KIF27: variants seen among roughly 807,000 people sequenced by gnomAD.
KIF27 encodes kinesin family member 27.
Under a neutral mutation model 141.8 loss-of-function variants are expected in KIF27, and 84 were observed. The observed-to-expected ratio is 0.59, with a 90% CI of 0.50 to 0.71. The LOEUF is 0.71. Among genes scored for constraint, KIF27 ranks in the 30% least tolerant of loss-of-function variants. The pLI is 0.00. For missense variants in KIF27, 1,306 were observed against 1,628.4 expected, an observed-to-expected ratio of 0.80 and a Z score of 3.41; for synonymous variants, 471 against 569.5, an observed-to-expected ratio of 0.83 and a Z score of 2.46.
chr9:83,915,164 A>G, intron 2 of KIF27, 130 bp downstream of exon 2: 1 of 691,012 alleles, frequency 1.4e-6, no homozygotes, highest in Non-Finnish European at 2.3e-6. Context: ...TTATGATCAC[A>G]TTTGATTACA....
chr9:83,851,345 T>TTTG (rs550666233), intron 15 of KIF27, among the ~76,000 whole-genome samples: 12 of 152,110 alleles, frequency 7.9e-5, no homozygotes, highest in African/African-American at 2.9e-4. Flanking sequence ...GTTTGGGTGT[T>TTTG]TTGTTGTTGT....
At chr9:83,871,123 C>T (rs919316913) in intron 11 of KIF27, among the ~76,000 whole-genome samples, 1 of 151,834 alleles carries the variant, frequency 6.6e-6, no homozygotes, top group African/African-American at 2.4e-5. Flanking sequence ...GTTACATTGC[C>T]CAGGCCAGTC....
chr9:83,842,704 G>C (rs1363572689), intron 16 of KIF27, among the ~76,000 whole-genome samples: 3 of 152,208 alleles, frequency 2.0e-5, no homozygotes, highest in African/African-American at 7.2e-5. Flanking sequence ...CTGACCTCGT[G>C]ATCCGCCCGC....
At chr9:83,855,743 A>G (rs2542789) in intron 14 of KIF27, among the ~76,000 whole-genome samples, 11 of 152,182 alleles carry the variant, frequency 7.2e-5, no homozygotes, top group Non-Finnish European at 1.2e-4. Context: ...CCTATCCACA[A>G]TGTTCAGTGA....
At chr9:83,869,256 G>C (rs1950587389) in intron 12 of KIF27, among the ~76,000 whole-genome samples, 1 of 151,608 alleles carries the variant, frequency 6.6e-6, no homozygotes, top group Non-Finnish European at 1.5e-5. Context: ...TTGCATTCTA[G>C]GTATTTTAAA....
At chr9:83,902,946 A>C (rs1954081513) in intron 4 of KIF27, 114 bp downstream of exon 4, 1 of 596,750 alleles carries the variant, frequency 1.7e-6, no homozygotes, top group South Asian at 3.2e-5. Flanking sequence ...TTAGTCCTTA[A>C]AAGAGTTATC....
Position 83,888,106 on chromosome 9 carries a change from C to T in KIF27, c.2083+383G>A, listed in dbSNP as rs1266222411. 3.9e-5 allele frequency among the ~76,000 whole-genome samples: 4 copies of T among 103,768 alleles called. No homozygotes were observed. The East Asian group carries it at 1.1e-3, about 29-fold the overall frequency. 68.1% of individuals were successfully genotyped at this position (103,768 alleles called of 152,430 possible). ...ACCAACACCCAGTACACTAATTGGGCTCTAATGCCAAATACATCATTGATG... is the reference window on the plus strand; with the variant it reads ...ACCAACACCCAGTACACTAATTGGGTTCTAATGCCAAATACATCATTGATG... On this transcript the variant is annotated intron_variant, in intron 8 of 17. Transcript: ENST00000297814.
chr9:83,889,002 C>T, intron 7 of KIF27, 82 bp downstream of exon 7: 1 of 1,449,780 alleles, frequency 6.9e-7, no homozygotes, highest in Non-Finnish European at 9.2e-7. Context: ...AAGATATACT[C>T]CAATGGAAAA....
intron 11 of KIF27, among the ~76,000 whole-genome samples, chr9:83,875,807 T>C (rs1951169569): frequency 6.6e-6 from 1 of 151,948 alleles, no homozygotes; most frequent in Non-Finnish European, 1.5e-5. Context: ...TCAAGAGCTG[T>C]GAAGTGGGTG....
intron 16 of KIF27, among the ~76,000 whole-genome samples, chr9:83,844,719 C>T (rs1488925912): frequency 1.3e-5 from 2 of 152,164 alleles, no homozygotes; most frequent in Non-Finnish European, 2.9e-5. Context: ...TGGTTGGTTG[C>T]TCCTAAGTTC....
At chr9:83,885,453 A>G (rs1238619057) in intron 9 of KIF27, among the ~76,000 whole-genome samples, 2 of 152,284 alleles carry the variant, frequency 1.3e-5, no homozygotes, top group Middle Eastern at 3.4e-3. Flanking sequence ...ATTTTTTTAT[A>G]AAAGTTATTT....
rs1945790935 is a variant in KIF27 at position 83,836,038 on chromosome 9, G to T, written c.*963C>A. ...AAAATTTTGACCAGAAAAACTTGGA[G>T]ATTTTAGTAAAAATTTCATTGACAT... On this transcript the variant is annotated 3_prime_UTR_variant, in exon 18 of 18. Coordinates refer to ENST00000297814, the MANE Select transcript of KIF27 (RefSeq NM_017576.4). Among the ~76,000 whole-genome samples, 1 of 152,052 alleles carries T rather than the reference G, an allele frequency of 6.6e-6. No homozygotes were observed. The highest frequency in any genetic ancestry group is 6.6e-5 in the Admixed American group (1 of 15,242).
At chr9:83,844,811 G>T (rs549588217) in intron 16 of KIF27, among the ~76,000 whole-genome samples, 37 of 152,256 alleles carry the variant, frequency 2.4e-4, no homozygotes, top group African/African-American at 7.7e-4. Flanking sequence ...GGGGCCTGTC[G>T]AAATATTCCT....
At chr9:83,904,365 T>C (rs1248554807) in intron 3 of KIF27, among the ~76,000 whole-genome samples, 3 of 150,824 alleles carry the variant, frequency 2.0e-5, no homozygotes, top group African/African-American at 4.9e-5. Context: ...TAAAGCCTAA[T>C]AGATTAATCC....
At chr9:83,861,950 T>C (rs1031653478) in intron 13 of KIF27, among the ~76,000 whole-genome samples, 12 of 152,242 alleles carry the variant, frequency 7.9e-5, no homozygotes, top group South Asian at 6.2e-4. Context: ...CATTTTTTCA[T>C]GTGTCTGTTG....
chr9:83,890,582 A>C (rs1353537603), intron 6 of KIF27, among the ~76,000 whole-genome samples: 1 of 152,218 alleles, frequency 6.6e-6, no homozygotes, highest in Non-Finnish European at 1.5e-5. Context: ...TATAGTATTC[A>C]TACCACCCAA....
intron 5 of KIF27, among the ~76,000 whole-genome samples, chr9:83,895,095 C>CA (rs757270382): frequency 0.027 from 2,949 of 108,300 alleles, 36 homozygotes; most frequent in Middle Eastern, 0.053. Flanking sequence ...ACTAAAAATG[C>CA]AAAAAAAAAA....
chr9:83,870,327 C>A (rs567967402), intron 12 of KIF27, among the ~76,000 whole-genome samples, 192 bp downstream of exon 12: 1 of 152,056 alleles, frequency 6.6e-6, no homozygotes, highest in African/African-American at 2.4e-5. Flanking sequence ...CCACCAAGCC[C>A]GGCTAATTTT....
chr9:83,841,735 A>G (rs2131496793), intron 17 of KIF27, among the ~76,000 whole-genome samples: 1 of 152,320 alleles, frequency 6.6e-6, no homozygotes, highest in East Asian at 1.9e-4. Flanking sequence ...TATTTCATTT[A>G]GGAATGCACT....
Sources: gnomAD v4.1 joint callset for allele counts (sites outside exome capture counted in the v4.1 genomes callset) on GRCh38, gnomAD v4.1.1 for gene constraint, MANE v1.5 for transcripts, NCBI Gene and HGNC (gene_info 2026-07-23, HGNC 2026-07-21) for gene names.